The following CCDC40 variants were observed in gnomAD, a reference collection of about 807,000 sequenced individuals.
CCDC40 encodes the protein coiled-coil domain 40 molecular ruler complex subunit, also known as coiled-coil domain-containing protein 40.
Under a neutral mutation model 124.5 loss-of-function variants are expected in CCDC40, and 104 were observed. The observed-to-expected ratio is 0.84, with a 90% CI of 0.71 to 0.98. The LOEUF (loss-of-function observed/expected upper bound fraction) is 0.98, where lower values mean the gene tolerates loss of function less well. Ranked by LOEUF, CCDC40 falls within the 50% of genes least tolerant of loss-of-function variation. The probability of loss-of-function intolerance (pLI) is 0.00; values close to 1 mark genes in which losing one functional copy is unlikely to be tolerated. For missense variants in CCDC40, 1,463 were observed against 1,503.9 expected (o/e 0.97, Z 0.45); for synonymous variants, 580 against 602.9 (o/e 0.96, Z 0.56).
Position 80,058,569 on chromosome 17 carries a change from G to A in CCDC40, c.1235G>A (p.Arg412His), listed in dbSNP as rs780386808. 17 of 1,613,998 alleles carry A rather than the reference G, an allele frequency of 1.1e-5. No individual in the cohort carries two copies. The highest frequency in any genetic ancestry group is 1.4e-5 in the Non-Finnish European group (16 of 1,179,976). Residue 412 changes from arginine to histidine, a missense_variant, in exon 8 of 20, where the codon CGT becomes CAT. Arg to His is a conservative substitution (Grantham distance 29, BLOSUM62 0). Coordinates refer to ENST00000397545, the MANE Select transcript of CCDC40 (RefSeq NM_017950.4). This position sits in a 1 kb window ranked among gnomAD's most constrained non-coding sequence, Gnocchi z 4.2. ...FYMQNIDQDM[R>H]DDIRVMTQVV... ...ATGCAGAACATCGACCAGGACATGC[G>A]TGACGACATCCGCGTGATGACACAA...
At chr17:80,074,806 C>T (rs2038274103) in intron 10 of CCDC40, among the ~76,000 whole-genome samples, 1 of 152,100 alleles carries the variant, frequency 6.6e-6, no homozygotes, top group Admixed American at 6.6e-5. Flanking sequence ...CTATAGCTGT[C>T]ATAGATAGTG....
At chr17:80,068,353 C>T (rs983732353) in intron 10 of CCDC40, among the ~76,000 whole-genome samples, 9 of 152,070 alleles carry the variant, frequency 5.9e-5, no homozygotes, top group African/African-American at 2.4e-5. Flanking sequence ...AAGTGCAGGC[C>T]GTGTAGAACA....
In CCDC40 at chr17:80,099,556, A is replaced by G. The variant is rs56407805; in HGVS notation, c.3210A>G (p.Thr1070=). Residue 1070 remains threonine (T), a synonymous_variant, in exon 20 of 20, where the codon ACA becomes ACG. Transcript: ENST00000397545. ...QNLSEIVALQ[T]RLKHLQAVKE... ...TTTCAGAGATCGTGGCCCTGCAGAC[A>G]CGCCTTAAGCACCTGCAGGCTGTGA... 0.29 allele frequency: 474,074 copies of G among 1,611,218 alleles called. 73,394 individuals carry two copies. The highest frequency in any genetic ancestry group is 0.51 in the African/African-American group (38,573 of 74,906).
At chr17:80,059,472 C>T (rs1225753835) in intron 9 of CCDC40, among the ~76,000 whole-genome samples, 1 of 139,916 alleles carries the variant, frequency 7.1e-6, no homozygotes, top group Non-Finnish European at 1.5e-5. Context: ...CACCAGAAAC[C>T]AAAGTTACTG....
chr17:80,039,898 G>A lies in CCDC40; in HGVS notation c.180G>A (p.Ala60=), dbSNP rs185006459. 3.2e-4 allele frequency: 512 copies of A among 1,613,776 alleles called. 1 individual carries two copies. The African/African-American group carries it at 6.0e-3, about 19-fold the overall frequency. ...TEHPEEVTTQ[A]EAAIEEGEVE... is the part of the protein sequence containing the mutation. ...ATCCTGAGGAAGTCACAACCCAAGC[G>A]GAAGCTGCAATTGAAGAGGGGGAGG... The change falls in exon 3 of 20, where the codon GCG becomes GCA. Residue 60 remains alanine (A), a synonymous_variant. Transcript: ENST00000397545.
intron 16 of CCDC40, among the ~76,000 whole-genome samples, chr17:80,088,668 A>G (rs923053766): frequency 6.6e-6 from 1 of 152,202 alleles, no homozygotes; most frequent in Non-Finnish European, 1.5e-5. Context: ...TTGGCCAGGC[A>G]TGGTGGTGCA....
chr17:80,056,966 G>A (rs1463461086), intron 7 of CCDC40, among the ~76,000 whole-genome samples: 3 of 148,412 alleles, frequency 2.0e-5, no homozygotes, highest in African/African-American at 5.0e-5. Flanking sequence ...GCGTGAACCC[G>A]GGACGCAGAG....
At chr17:80,039,035 A>C (rs780871040) in intron 2 of CCDC40, among the ~76,000 whole-genome samples, 4 of 151,672 alleles carry the variant, frequency 2.6e-5, no homozygotes, top group Non-Finnish European at 4.4e-5. Flanking sequence ...GTTTTTCGGA[A>C]CTCATTTCCT....
chr17:80,090,197 ACGCAGGCACG>A, intron 17 of CCDC40: 3 of 896,194 alleles, frequency 3.3e-6, no homozygotes, highest in East Asian at 4.3e-5. Context: ...CACGGGACGC[ACGCAGGCACG>A]TGCACGAAGA....
chr17:80,066,149 G>A lies in CCDC40; in HGVS notation c.1562+543G>A, dbSNP rs565484874. 95 of 702,986 alleles carry A rather than the reference G, an allele frequency of 1.4e-4. No homozygotes were observed. The highest frequency in any genetic ancestry group is 1.6e-4 in the South Asian group (11 of 67,598). 43.5% of individuals were successfully genotyped at this position (702,986 alleles called of 1,614,324 possible). On this transcript the variant is annotated intron_variant, in intron 10 of 19. Transcript: ENST00000397545. The surrounding 1 kb of genome is among the most constrained non-coding windows in gnomAD (Gnocchi z 4.4). ...CCAGGGTGACCAGGTCTCGGGACGC[G>A]GAAAGAAAAAGCCGGGCACTGTGGT...
intron 7 of CCDC40, among the ~76,000 whole-genome samples, chr17:80,050,743 T>G (rs9914519): frequency 1.1e-3 from 166 of 152,146 alleles, no homozygotes; most frequent in Non-Finnish European, 1.9e-3. Context: ...TGCACCCGGT[T>G]ATAAATATGT....
chr17:80,059,288 T>C (rs1295008630), intron 9 of CCDC40, among the ~76,000 whole-genome samples: 2 of 152,138 alleles, frequency 1.3e-5, no homozygotes, highest in African/African-American at 4.8e-5. Flanking sequence ...TTCCTTAGCC[T>C]GCAGGGACCT....
intron 18 of CCDC40, 43 bp from the exon 19 acceptor site, chr17:80,097,202 A>G: frequency 6.2e-7 from 1 of 1,609,520 alleles, no homozygotes; most frequent in Non-Finnish European, 8.5e-7. Flanking sequence ...TCCGCCAAGT[A>G]GCCGGGCTGC....
intron 3 of CCDC40, among the ~76,000 whole-genome samples, chr17:80,043,878 T>TA (rs1188922303): frequency 6.6e-6 from 1 of 152,066 alleles, no homozygotes; most frequent in African/African-American, 2.4e-5. Flanking sequence ...CCATGATCCT[T>TA]ACTGTATTCA....
At chr17:80,090,503 A>T (rs2038705396) in intron 17 of CCDC40, 1 of 1,525,454 alleles carries the variant, frequency 6.6e-7, no homozygotes, top group East Asian at 2.5e-5. Context: ...GTCATCTCAC[A>T]AAACGCTGTT....
Position 80,086,072 on chromosome 17 carries a change from A to G in CCDC40, c.2305A>G (p.Lys769Glu). 6.2e-7 allele frequency: 1 copy of G among 1,614,148 alleles called. No homozygotes were observed. Among genetic ancestry groups the G allele is most frequent in the Non-Finnish European group, 8.5e-7 (1 of 1,180,038 alleles). ...CAAGCTGATCGACGAGCACGATGGC[A>G]AGGCGGTCCAGGCCCAGGTGACCTG... ...LSKLIDEHDG[K>E]AVQAQVTWLR... Residue 769 changes from lysine (K) to glutamate (E), a missense_variant, in exon 14 of 20, where the codon AAG (lysine) becomes GAG (glutamate). Lys to Glu is a moderately conservative substitution (Grantham distance 56, BLOSUM62 1). Coordinates refer to ENST00000397545, the MANE Select transcript of CCDC40 (RefSeq NM_017950.4). This position sits in a 1 kb window ranked among gnomAD's most constrained non-coding sequence, Gnocchi z 5.5.
At chr17:80,044,164 A>G (rs1415276930) in intron 3 of CCDC40, among the ~76,000 whole-genome samples, 1 of 152,182 alleles carries the variant, frequency 6.6e-6, no homozygotes, top group Non-Finnish European at 1.5e-5. Flanking sequence ...AGGTCATTGC[A>G]TAGTCACCCA....
chr17:80,073,570 G>C (rs1337432522), intron 10 of CCDC40, among the ~76,000 whole-genome samples: 1 of 152,162 alleles, frequency 6.6e-6, no homozygotes, highest in Admixed American at 6.6e-5. Context: ...CTCGCCGGCT[G>C]GCGTTCTTCC....
At chr17:80,093,330 T>G (rs1452525527) in intron 17 of CCDC40, among the ~76,000 whole-genome samples, 1 of 150,300 alleles carries the variant, frequency 6.7e-6, no homozygotes, top group Non-Finnish European at 1.5e-5. Flanking sequence ...TACAGGCATG[T>G]GCCACCACAC....
Sources: gnomAD v4.1 joint callset for allele counts (sites outside exome capture counted in the v4.1 genomes callset) on GRCh38, gnomAD v4.1.1 for gene constraint, Gnocchi (gnomAD v3.1) non-coding constraint, MANE v1.5 for transcripts, NCBI Gene and HGNC (gene_info 2026-07-23, HGNC 2026-07-21) for gene names.